PLXNA2: variants seen among roughly 807,000 people sequenced by gnomAD.
PLXNA2 encodes plexin-A2.
A neutral mutation model predicts 193.5 loss-of-function variants in PLXNA2; 91 were observed. The observed-to-expected ratio is 0.47, with a 90% CI of 0.40 to 0.56. PLXNA2 has a LOEUF of 0.56. Among genes scored for constraint, PLXNA2 ranks in the 20% least tolerant of loss-of-function variants. The pLI, the probability that PLXNA2 is intolerant of heterozygous loss-of-function variation, is 0.00. For missense variants in PLXNA2, 1,995 were observed against 2,503.2 expected (o/e 0.80, Z 4.33); for synonymous variants, 997 against 1,027.3 (o/e 0.97, Z 0.56).
At chr1:208,077,341 G>A (rs1323490929) in intron 12 of PLXNA2, among the ~76,000 whole-genome samples, 1 of 152,154 alleles carries the variant, frequency 6.6e-6, no homozygotes, top group Admixed American at 6.5e-5. Flanking sequence ...TTAGCCTCGC[G>A]TAGCCTGGGT....
chr1:208,215,618 AGATGGATGGATGGATGATG>A (rs1671099492), intron 2 of PLXNA2, among the ~76,000 whole-genome samples: 1 of 151,426 alleles, frequency 6.6e-6, no homozygotes, highest in Non-Finnish European at 1.5e-5. Flanking sequence ...ATAGGTGAAT[AGATGGATGGATGGATGATG>A]GATGGATGGA....
rs1253202638 is a variant in PLXNA2, at chr1:208,044,959, T to C, written c.3639+108A>G. On this transcript the variant is annotated intron_variant, in intron 19 of 31. Transcript: ENST00000367033. The surrounding 1 kb of genome is among the most constrained non-coding windows in gnomAD (Gnocchi z 4.9). ...TGTAGGACCCAGAGATGAGGAGATATGGAGGGGGTGAGTCAGGCAACGAGA... is the reference window on the plus strand; with the variant it reads ...TGTAGGACCCAGAGATGAGGAGATACGGAGGGGGTGAGTCAGGCAACGAGA... 1.5e-6 allele frequency: 2 copies of C among 1,316,184 alleles called. No individual in the cohort carries two copies. Among genetic ancestry groups the C allele is most frequent in the African/African-American group, 1.4e-5 (1 of 69,024 alleles). 81.5% of individuals were successfully genotyped at this position (1,316,184 alleles called of 1,614,324 possible).
intron 12 of PLXNA2, among the ~76,000 whole-genome samples, chr1:208,068,985 A>G (rs1328791768): frequency 2.0e-5 from 3 of 152,204 alleles, no homozygotes; most frequent in Non-Finnish European, 2.9e-5. Flanking sequence ...TCAGAAGGAA[A>G]ACAAGGGAAA....
intron 3 of PLXNA2, among the ~76,000 whole-genome samples, chr1:208,189,623 C>T (rs543931379): frequency 6.6e-6 from 1 of 152,286 alleles, no homozygotes; most frequent in South Asian, 2.1e-4. Context: ...CACAACTGAC[C>T]TCACTTAACT....
intron 3 of PLXNA2, among the ~76,000 whole-genome samples, chr1:208,202,322 C>T (rs903821944): frequency 2.6e-5 from 4 of 152,120 alleles, no homozygotes; most frequent in Non-Finnish European, 5.9e-5. Flanking sequence ...CTGCTTTATA[C>T]CAAGCTCCTG....
intron 1 of PLXNA2, among the ~76,000 whole-genome samples, chr1:208,239,746 C>T (rs1005104204): frequency 5.3e-5 from 8 of 152,250 alleles, no homozygotes; most frequent in Non-Finnish European, 1.5e-5. Context: ...CTCCCCACCT[C>T]TGTGCCTGCT....
chr1:208,077,431 C>A (rs949346192), intron 12 of PLXNA2, among the ~76,000 whole-genome samples: 1 of 152,192 alleles, frequency 6.6e-6, no homozygotes, highest in Non-Finnish European at 1.5e-5. Context: ...CAGTGAGAAG[C>A]TTGCCTTCGG....
intron 3 of PLXNA2, among the ~76,000 whole-genome samples, chr1:208,202,225 C>A (rs374725247): frequency 3.3e-5 from 5 of 152,176 alleles, no homozygotes; most frequent in African/African-American, 1.2e-4. Flanking sequence ...GGTGATCAGC[C>A]CGCCTCGGCC....
intron 4 of PLXNA2, among the ~76,000 whole-genome samples, chr1:208,122,640 T>C (rs987015788): frequency 3.9e-5 from 6 of 152,136 alleles, no homozygotes; most frequent in Non-Finnish European, 8.8e-5. Context: ...ATGCACCCAT[T>C]GGATGGTGAG....
chr1:208,193,948 T>A lies in PLXNA2; in HGVS notation c.1371+16332A>T, dbSNP rs1014825884. Among the ~76,000 whole-genome samples, 22 of 151,876 alleles carry A rather than the reference T, an allele frequency of 1.4e-4. No individual in the cohort carries two copies. The South Asian group carries it at 3.1e-3, about 21-fold the overall frequency. ...ATAACGAAAAATTTTATTAAAAAAA[T>A]TTTTTTTATTTTTAAATAAAAAACA... On this transcript the variant is annotated intron_variant, in intron 3 of 31. Coordinates refer to ENST00000367033, the MANE Select transcript of PLXNA2 (RefSeq NM_025179.4).
chr1:208,154,929 A>G lies in PLXNA2; in HGVS notation c.1372-12466T>C, dbSNP rs1012865819. Among the ~76,000 whole-genome samples the G allele has an allele frequency of 1.3e-4, 20 of 152,260 alleles. 1 individual carries two copies. The highest frequency in any genetic ancestry group is 7.2e-4 in the Admixed American group (11 of 15,288). ...AAAGCATTTGGGAAACTGGAAAGGAAAGCATGAAAGAGGGATTTTGGATTG... is the reference window on the plus strand; with the variant it reads ...AAAGCATTTGGGAAACTGGAAAGGAGAGCATGAAAGAGGGATTTTGGATTG... On this transcript the variant is annotated intron_variant, in intron 3 of 31. Coordinates refer to ENST00000367033, the MANE Select transcript of PLXNA2 (RefSeq NM_025179.4).
chr1:208,172,192 T>C (rs1669516949), intron 3 of PLXNA2, among the ~76,000 whole-genome samples: 1 of 151,786 alleles, frequency 6.6e-6, no homozygotes, highest in Admixed American at 6.5e-5. Context: ...AAAGGAAAGA[T>C]GCACATATTG....
chr1:208,178,731 G>A (rs561992941), intron 3 of PLXNA2, among the ~76,000 whole-genome samples: 1 of 152,314 alleles, frequency 6.6e-6, no homozygotes, highest in African/African-American at 2.4e-5. Flanking sequence ...TCACCCTTAG[G>A]GGAGTGGTTT....
intron 3 of PLXNA2, among the ~76,000 whole-genome samples, chr1:208,154,811 G>A (rs548905328): frequency 4.6e-5 from 7 of 152,268 alleles, no homozygotes; most frequent in Non-Finnish European, 1.0e-4. Context: ...TCAGCCAAGG[G>A]AGTTAATTCT....
intron 12 of PLXNA2, among the ~76,000 whole-genome samples, chr1:208,063,824 T>G (rs528928542): frequency 1.6e-4 from 25 of 152,184 alleles, no homozygotes; most frequent in Non-Finnish European, 3.7e-4. Flanking sequence ...ATTATTTGAT[T>G]TGCAAGTGGA....
Position 208,051,036 on chromosome 1 carries a change from G to T in PLXNA2, c.3228C>A (p.Val1076=). Residue 1076 remains valine, a synonymous_variant, in exon 17 of 32, where the codon GTC becomes GTA. Transcript: ENST00000367033. ...TGACAGATTCTTTGCCATTGAATTT[G>T]ACTCGGATCCTTGGCTCCTGAATGA... ...LDVIQEPRIR[V]KFNGKESVNV... The T allele has an allele frequency of 6.2e-7, 1 of 1,613,878 alleles. No homozygotes were observed. The highest frequency in any genetic ancestry group is 1.1e-5 in the South Asian group (1 of 91,034).
intron 1 of PLXNA2, among the ~76,000 whole-genome samples, chr1:208,230,890 G>A (rs925191352): frequency 2.5e-4 from 38 of 152,174 alleles, no homozygotes; most frequent in African/African-American, 8.7e-4. Flanking sequence ...ACCAAGCAAG[G>A]GGAGTGCCAT....
intron 3 of PLXNA2, among the ~76,000 whole-genome samples, chr1:208,175,626 C>A (rs1669638258): frequency 6.6e-6 from 1 of 152,206 alleles, no homozygotes; most frequent in African/African-American, 2.4e-5. Flanking sequence ...CTTCTTGGAC[C>A]AGTCCTTTGT....
intron 4 of PLXNA2, among the ~76,000 whole-genome samples, chr1:208,109,820 AG>A (rs1667405094): frequency 6.6e-6 from 1 of 152,220 alleles, no homozygotes; most frequent in Admixed American, 6.5e-5. Flanking sequence ...AGGCAAGAGC[AG>A]AGCGGGGATC....
Sources: gnomAD v4.1 joint callset for allele counts (sites outside exome capture counted in the v4.1 genomes callset) on GRCh38, gnomAD v4.1.1 for gene constraint, Gnocchi (gnomAD v3.1) non-coding constraint, MANE v1.5 for transcripts, NCBI Gene and HGNC (gene_info 2026-07-23, HGNC 2026-07-21) for gene names.